LYPLA1: variants seen among roughly 807,000 people sequenced by gnomAD.
The protein encoded by LYPLA1 is lysophospholipase 1.
In LYPLA1, 17 loss-of-function variants were observed where a neutral mutation model predicts 34.0. That is an observed-to-expected ratio of 0.50 (90% CI 0.34 to 0.75). LYPLA1 has a LOEUF of 0.75. LYPLA1 is among the 30% of genes least tolerant of loss of function. LYPLA1 has a pLI of 0.01. For missense variants in LYPLA1, 203 were observed against 288.8 expected (o/e 0.70, Z 2.15); for synonymous variants, 98 against 100.8 (o/e 0.97, Z 0.17).
chr8:54,099,229 G>T (rs937964872), intron 2 of LYPLA1, among the ~76,000 whole-genome samples: 1 of 152,030 alleles, frequency 6.6e-6, no homozygotes, highest in Non-Finnish European at 1.5e-5. Context: ...ATCAAGAAAG[G>T]TTTGGCCATA....
At chr8:54,062,454 TATTTA>T (rs1806720352) in intron 4 of LYPLA1, 130 bp from the exon 5 acceptor site, 1 of 333,158 alleles carries the variant, frequency 3.0e-6, no homozygotes, top group African/African-American at 2.2e-5. Flanking sequence ...TTAATTTATC[TATTTA>T]ATTAATTTAT....
Position 54,101,944 on chromosome 8 carries a change from C to A in LYPLA1, c.-121G>T. ...GGCGCACGCTCAGGCGCGTGCGCGC[C>A]AACGCGGCCCCGCGCTACCTTCCGC... On this transcript the variant is annotated 5_prime_UTR_variant, in exon 1 of 9. Transcript: ENST00000316963. 1 of 361,932 alleles carries A rather than the reference C, an allele frequency of 2.8e-6. No homozygotes were observed. The highest frequency in any genetic ancestry group is 4.1e-6 in the Non-Finnish European group (1 of 245,542). 22.4% of individuals were successfully genotyped at this position (361,932 alleles called of 1,614,324 possible).
rs1563548739 is a variant in LYPLA1 at position 54,047,437 on chromosome 8, G to C, written c.*628C>G. 4.0e-5 allele frequency: 6 copies of C among 151,178 alleles called. No homozygotes were observed. The South Asian group carries it at 1.3e-3, about 32-fold the overall frequency. The allele number at this position is 151,178 out of a possible 1,614,324, so 9.4% of individuals were successfully genotyped here. On this transcript the variant is annotated 3_prime_UTR_variant, in exon 9 of 9. Coordinates refer to ENST00000316963, the MANE Select transcript of LYPLA1 (RefSeq NM_006330.4). ...TCTTGAGAGAAAAGAGTATTAAATA[G>C]AAATAATATCAGGGAAAATAAAAGC...
intron 2 of LYPLA1, among the ~76,000 whole-genome samples, chr8:54,069,249 T>C (rs561055626): frequency 1.1e-3 from 166 of 152,316 alleles, no homozygotes; most frequent in Non-Finnish European, 1.6e-3. Flanking sequence ...GAAAGGGTGT[T>C]GAATGTTCAC....
chr8:54,066,943 G>A (rs1370969311), intron 2 of LYPLA1, among the ~76,000 whole-genome samples: 1 of 152,120 alleles, frequency 6.6e-6, no homozygotes, highest in Non-Finnish European at 1.5e-5. Flanking sequence ...ACTGAAGCAT[G>A]CGGATCACTT....
chr8:54,097,671 C>A (rs184391831), intron 2 of LYPLA1, among the ~76,000 whole-genome samples: 1 of 152,092 alleles, frequency 6.6e-6, no homozygotes, highest in Non-Finnish European at 1.5e-5. Context: ...AACTGTGGTT[C>A]GAAAATATTA....
intron 2 of LYPLA1, among the ~76,000 whole-genome samples, chr8:54,088,822 C>T (rs1280887626): frequency 6.6e-6 from 1 of 152,204 alleles, no homozygotes; most frequent in African/African-American, 2.4e-5. Flanking sequence ...AAGGATCCTC[C>T]TGACTCAGCC....
chr8:54,064,424 A>T (rs915472891), intron 3 of LYPLA1, among the ~76,000 whole-genome samples: 1 of 152,228 alleles, frequency 6.6e-6, no homozygotes, highest in African/African-American at 2.4e-5. Flanking sequence ...CTCAAAAAAA[A>T]AGAAAAAGAA....
intron 2 of LYPLA1, among the ~76,000 whole-genome samples, chr8:54,084,133 A>AAAAAAAAAAAAAAATTTTATAT (rs1373090573): frequency 1.7e-5 from 2 of 120,484 alleles, no homozygotes; most frequent in Non-Finnish European, 3.1e-5. Flanking sequence ...AGAAAAAAAA[A>AAAAAAAAAAAAAAATTTTATAT]ATAAATAAAT....
At chr8:54,067,047 G>A (rs1481628076) in intron 2 of LYPLA1, among the ~76,000 whole-genome samples, 2 of 151,778 alleles carry the variant, frequency 1.3e-5, no homozygotes, top group Non-Finnish European at 2.9e-5. Context: ...TGCATTGCCT[G>A]TAATCCCAGC....
intron 2 of LYPLA1, among the ~76,000 whole-genome samples, chr8:54,099,979 C>T (rs540616440): frequency 1.3e-5 from 2 of 152,082 alleles, no homozygotes; most frequent in East Asian, 1.9e-4. Flanking sequence ...CCACCGCGCC[C>T]GGCCCCAATG....
chr8:54,055,452 A>G (rs1327480285), intron 5 of LYPLA1, among the ~76,000 whole-genome samples: 2 of 152,054 alleles, frequency 1.3e-5, no homozygotes, highest in Non-Finnish European at 2.9e-5. Flanking sequence ...GACACCAAAA[A>G]ATGGAAAAAA....
rs760462399 is a variant in LYPLA1 at position 54,052,694 on chromosome 8, T to A, written c.423A>T (p.Ala141=). The change falls in exon 7 of 9, where the codon GCA becomes GCT. Residue 141 remains alanine (A), a synonymous_variant. Transcript: ENST00000316963. The part of the protein sequence containing the change: ...TTQQKLAGVT[A]LSCWLPLRAS... ...CCCGAAGTGGAAGCCAGCAACTGAG[T>A]GCAGTGACACCTGCCAGTTTCTGCT... The A allele has an allele frequency of 1.4e-5, 22 of 1,613,720 alleles. No individual in the cohort carries two copies. The African/African-American group carries it at 2.9e-4, about 22-fold the overall frequency.
chr8:54,072,099 G>C (rs746224732), intron 2 of LYPLA1, among the ~76,000 whole-genome samples: 14 of 152,078 alleles, frequency 9.2e-5, no homozygotes, highest in Non-Finnish European at 2.1e-4. Context: ...ACAACTATTT[G>C]ATACTCAACA....
chr8:54,075,211 T>A lies in LYPLA1; in HGVS notation c.102-9398A>T, dbSNP rs141489913. Among the ~76,000 whole-genome samples, 1,119 of 152,362 alleles carry A rather than the reference T, an allele frequency of 7.3e-3. 9 individuals carry two copies. The highest frequency in any genetic ancestry group is 0.022 in the African/African-American group (934 of 41,578). On this transcript the variant is annotated intron_variant, in intron 2 of 8. Coordinates refer to ENST00000316963, the MANE Select transcript of LYPLA1 (RefSeq NM_006330.4). ...AGATGTTATCAGCAGCTGAACAGCA[T>A]CTACAGAAACCAGCTGCAAAGACAG...
chr8:54,098,742 T>G (rs947097525), intron 2 of LYPLA1, among the ~76,000 whole-genome samples: 2 of 152,190 alleles, frequency 1.3e-5, no homozygotes, highest in African/African-American at 4.8e-5. Context: ...ATAAAGTATT[T>G]CTGGAATTTT....
At chr8:54,100,879 C>T (rs1393267933) in intron 2 of LYPLA1, 29 bp downstream of exon 2, 3 of 1,583,436 alleles carry the variant, frequency 1.9e-6, no homozygotes, top group Non-Finnish European at 2.6e-6. Context: ...AGTTTCATTA[C>T]TGTTACTATT....
intron 5 of LYPLA1, among the ~76,000 whole-genome samples, chr8:54,055,666 CAA>C (rs1449300628): frequency 1.4e-5 from 2 of 143,624 alleles, no homozygotes; most frequent in Non-Finnish European, 3.0e-5. Flanking sequence ...TTTTTTGAGA[CAA>C]AGTCTCGCTC....
intron 5 of LYPLA1, among the ~76,000 whole-genome samples, chr8:54,060,796 G>A (rs532417798): frequency 7.7e-4 from 114 of 149,008 alleles, no homozygotes; most frequent in African/African-American, 1.4e-3. Flanking sequence ...GGGTTCAAGC[G>A]ATTCTCCTGC....
Sources: allele counts gnomAD v4.1 joint callset (sites outside exome capture counted in the v4.1 genomes callset), GRCh38; gene constraint gnomAD v4.1.1; transcripts MANE v1.5; gene names NCBI Gene and HGNC (gene_info 2026-07-23, HGNC 2026-07-21).